MMS19: variants seen among roughly 807,000 people sequenced by gnomAD.
MMS19 encodes the protein MMS19 nucleotide excision repair protein homolog.
MMS19 carries 77 observed loss-of-function variants against 129.8 expected under a neutral mutation model. The observed-to-expected ratio is 0.59, with a 90% CI of 0.49 to 0.72. The LOEUF (loss-of-function observed/expected upper bound fraction) is 0.72, where lower values mean the gene tolerates loss of function less well. MMS19 is among the 30% of genes least tolerant of loss of function. MMS19 has a pLI of 0.00. For missense variants in MMS19, 1,168 were observed against 1,266.3 expected (o/e 0.92, Z 1.18); for synonymous variants, 491 against 502.8 (o/e 0.98, Z 0.31).
Position 97,466,905 on chromosome 10 carries a change from G to A in MMS19, c.1298-4C>T. ...AAGCCATTCAGAGGCCTTTGATCTAGGGAAGAGACAGAGGCCAGGTTAGAA... is the reference window on the plus strand; with the variant it reads ...AAGCCATTCAGAGGCCTTTGATCTAAGGAAGAGACAGAGGCCAGGTTAGAA... On this transcript the variant is annotated splice_polypyrimidine_tract_variant and splice_region_variant and intron_variant, in intron 14 of 30. Transcript: ENST00000438925. The A allele has an allele frequency of 6.2e-7, 1 of 1,613,754 alleles. No homozygotes were observed. Among genetic ancestry groups the A allele is most frequent in the Non-Finnish European group, 8.5e-7 (1 of 1,179,832 alleles).
chr10:97,493,519 C>A (rs1391985386), intron 1 of MMS19, among the ~76,000 whole-genome samples: 2 of 152,132 alleles, frequency 1.3e-5, no homozygotes, highest in Non-Finnish European at 2.9e-5. Flanking sequence ...GGTCACACTG[C>A]ACTCCAGCTG....
chr10:97,459,039 CCTTT>C (rs2030774584), intron 29 of MMS19, 139 bp from the exon 30 acceptor site: 8 of 983,130 alleles, frequency 8.1e-6, no homozygotes, highest in Non-Finnish European at 1.2e-5. Flanking sequence ...GGCAGGATGG[CCTTT>C]CTGTTACCTT....
intron 12 of MMS19, 137 bp from the exon 13 acceptor site, chr10:97,468,543 A>G: frequency 1.2e-6 from 1 of 815,340 alleles, no homozygotes; most frequent in Non-Finnish European, 1.8e-6. Context: ...AATTCAAAGT[A>G]GGGCTATCGC....
chr10:97,496,484 C>T (rs899482446), intron 1 of MMS19, among the ~76,000 whole-genome samples: 3 of 147,872 alleles, frequency 2.0e-5, no homozygotes, highest in African/African-American at 5.0e-5. Context: ...TGCACTCCAG[C>T]CTGGCAGACA....
At chr10:97,460,290 A>G in intron 25 of MMS19, 58 bp from the exon 26 acceptor site, 2 of 1,529,404 alleles carry the variant, frequency 1.3e-6, no homozygotes, top group South Asian at 1.2e-5. Context: ...AGTGCCAAAG[A>G]TAAGGATGGG....
At chr10:97,496,559 T>C (rs1217852504) in intron 1 of MMS19, among the ~76,000 whole-genome samples, 1 of 149,786 alleles carries the variant, frequency 6.7e-6, no homozygotes, top group Admixed American at 6.6e-5. Flanking sequence ...TTATTCAAGA[T>C]AAGTCCTTAT....
At chr10:97,471,224 T>A (rs1018190326) in intron 8 of MMS19, among the ~76,000 whole-genome samples, 3 of 152,298 alleles carry the variant, frequency 2.0e-5, no homozygotes, top group Admixed American at 1.3e-4. Context: ...ATGTGGTTTT[T>A]AATTTTTTTC....
At chr10:97,494,043 A>C (rs777432655) in intron 1 of MMS19, among the ~76,000 whole-genome samples, 1 of 152,090 alleles carries the variant, frequency 6.6e-6, no homozygotes, top group Admixed American at 6.6e-5. Context: ...AACAACAACA[A>C]CACACCCGTA....
chr10:97,486,895 A>ATATATATATAT (rs57015711), intron 1 of MMS19, among the ~76,000 whole-genome samples: 189 of 140,044 alleles, frequency 1.3e-3, no homozygotes, highest in Non-Finnish European at 1.8e-3. Context: ...ATATATATAT[A>ATATATATATAT]AAATTAAGAC....
At chr10:97,467,985 AT>A (rs1273199638) in intron 13 of MMS19, among the ~76,000 whole-genome samples, 469 of 145,364 alleles carry the variant, frequency 3.2e-3, no homozygotes, top group Middle Eastern at 0.021. Context: ...TTTAAAAAAA[AT>A]TTTTTTTTTT....
chr10:97,469,141 C>T, intron 11 of MMS19, 37 bp from the exon 12 acceptor site: 1 of 1,549,042 alleles, frequency 6.5e-7, no homozygotes, highest in South Asian at 1.2e-5. Context: ...TGAGGTGAGC[C>T]TGCACCAGAT....
chr10:97,486,316 G>A (rs1314147814), intron 1 of MMS19, among the ~76,000 whole-genome samples: 2 of 152,126 alleles, frequency 1.3e-5, no homozygotes, highest in South Asian at 4.1e-4. Context: ...CAAGTAGCTG[G>A]GATTACAGGC....
In MMS19 at chr10:97,466,367, A is replaced by G. The variant is rs144419848; in HGVS notation, c.1505+137T>C. 6.0e-4 allele frequency: 480 copies of G among 793,962 alleles called. 1 individual carries two copies. The African/African-American group carries it at 7.1e-3, about 12-fold the overall frequency. The allele number at this position is 793,962 out of a possible 1,614,324, so 49.2% of individuals were successfully genotyped here. On this transcript the variant is annotated intron_variant, in intron 16 of 30. Transcript: ENST00000438925. Reference sequence around the variant, plus strand: ...ACATCTCTCCAACTGGTTAGCAGCCAGAGTCTAACACAGAGCTCACCTCCC... The same window carrying G: ...ACATCTCTCCAACTGGTTAGCAGCCGGAGTCTAACACAGAGCTCACCTCCC...
chr10:97,468,962 T>C lies in MMS19; in HGVS notation c.1063+4A>G. Reference sequence around the variant, plus strand: ...CCCCTTCCTGGCTGCCACGGCCCCATTACCCTGTAGAATGTTGCTAAGGAA... The same window carrying C: ...CCCCTTCCTGGCTGCCACGGCCCCACTACCCTGTAGAATGTTGCTAAGGAA... On this transcript the variant is annotated splice_donor_region_variant and intron_variant, in intron 12 of 30. Coordinates refer to ENST00000438925, the MANE Select transcript of MMS19 (RefSeq NM_022362.5). 2 of 1,585,628 alleles carry C rather than the reference T, an allele frequency of 1.3e-6. No homozygotes were observed. Among genetic ancestry groups the C allele is most frequent in the South Asian group, 1.1e-5 (1 of 87,164 alleles).
chr10:97,479,298 G>A (rs956005477), intron 3 of MMS19, among the ~76,000 whole-genome samples: 5 of 152,058 alleles, frequency 3.3e-5, no homozygotes, highest in South Asian at 4.2e-4. Context: ...AAGGAAATTC[G>A]TTCATCAGAC....
chr10:97,461,447 C>A (rs1333059176), intron 23 of MMS19, 49 bp downstream of exon 23: 4 of 1,592,946 alleles, frequency 2.5e-6, no homozygotes, highest in Non-Finnish European at 3.4e-6. Flanking sequence ...TATAAGATTT[C>A]ATGGGTAGTT....
At chr10:97,491,690 T>A (rs1167026986) in intron 1 of MMS19, among the ~76,000 whole-genome samples, 1 of 152,220 alleles carries the variant, frequency 6.6e-6, no homozygotes, top group Non-Finnish European at 1.5e-5. Context: ...GCATTCTGCA[T>A]ACATTAATAT....
intron 1 of MMS19, among the ~76,000 whole-genome samples, chr10:97,490,941 A>T (rs2038759220): frequency 6.6e-6 from 1 of 152,254 alleles, no homozygotes. Flanking sequence ...GGTAGCAGCC[A>T]GACTAACAGG....
chr10:97,486,588 T>A (rs541531950), intron 1 of MMS19, among the ~76,000 whole-genome samples: 1 of 152,206 alleles, frequency 6.6e-6, no homozygotes, highest in Admixed American at 6.5e-5. Flanking sequence ...CTCACTTATA[T>A]GGAGAATCTA....
Sources: allele counts gnomAD v4.1 joint callset (sites outside exome capture counted in the v4.1 genomes callset), GRCh38; gene constraint gnomAD v4.1.1; transcripts MANE v1.5; gene names NCBI Gene and HGNC (gene_info 2026-07-23, HGNC 2026-07-21).